The following UST variants were observed in gnomAD, a reference collection of about 807,000 sequenced individuals.
The protein encoded by UST is uronyl 2-sulfotransferase, also known as chondroitin sulfate 2-O-sulfotransferase.
Under a neutral mutation model 45.6 loss-of-function variants are expected in UST, and 21 were observed. The observed-to-expected ratio is 0.46, with a 90% confidence interval of 0.33 to 0.66. The LOEUF is 0.66. UST is among the 30% of genes least tolerant of loss of function. The probability of loss-of-function intolerance (pLI) is 0.02; values close to 1 mark genes in which losing one functional copy is unlikely to be tolerated. For synonymous variants in UST, 215 were observed against 200.6 expected, an observed-to-expected ratio of 1.07 and a Z score of -0.61; for missense variants, 463 against 512.4, an observed-to-expected ratio of 0.90 and a Z score of 0.93.
intron 2 of UST, among the ~76,000 whole-genome samples, chr6:148,897,862 T>C (rs1222924092): frequency 1.3e-5 from 2 of 152,336 alleles, no homozygotes; most frequent in East Asian, 3.9e-4. Context: ...TATAAGAACA[T>C]TGAGGTCTTG....
At chr6:148,820,965 T>C (rs1172915219) in intron 1 of UST, among the ~76,000 whole-genome samples, 1 of 138,774 alleles carries the variant, frequency 7.2e-6, no homozygotes, top group African/African-American at 2.6e-5. Context: ...TTTTTTTTAA[T>C]TCCTTTTTTT....
chr6:148,814,311 C>T (rs115288535), intron 1 of UST, among the ~76,000 whole-genome samples: 144 of 152,250 alleles, frequency 9.5e-4, no homozygotes, highest in African/African-American at 3.4e-3. Flanking sequence ...GTGGTCCTTT[C>T]TCTGCCCCCT....
intron 1 of UST, among the ~76,000 whole-genome samples, chr6:148,816,281 T>A (rs1777353587): frequency 6.6e-6 from 1 of 152,198 alleles, no homozygotes; most frequent in South Asian, 2.1e-4. Context: ...AGGAGGAGGA[T>A]GAATGACAGC....
chr6:148,985,813 C>T (rs1194564607), intron 5 of UST, among the ~76,000 whole-genome samples: 1 of 152,168 alleles, frequency 6.6e-6, no homozygotes, highest in Non-Finnish European at 1.5e-5. Flanking sequence ...TCTTAAAAAA[C>T]AAATACTATT....
rs1342051714 is a variant in UST at position 148,748,813 on chromosome 6, G to C, written c.247+1136G>C. Among the ~76,000 whole-genome samples the C allele has an allele frequency of 6.6e-6, 1 of 152,046 alleles. No homozygotes were observed. The highest frequency in any genetic ancestry group is 1.5e-5 in the Non-Finnish European group (1 of 68,010). On this transcript the variant is annotated intron_variant, in intron 1 of 7. Coordinates refer to ENST00000367463, the MANE Select transcript of UST (RefSeq NM_005715.3). This position sits in a 1 kb window ranked among gnomAD's most constrained non-coding sequence, Gnocchi z 5.3. ...CCACCGAAGTGCTGGAAAGAAAATGGGCCAAATGACCCGGGCCAGCTGGAG... is the reference window on the plus strand; with the variant it reads ...CCACCGAAGTGCTGGAAAGAAAATGCGCCAAATGACCCGGGCCAGCTGGAG...
At chr6:149,029,455 AC>A (rs1776104181) in intron 7 of UST, among the ~76,000 whole-genome samples, 1 of 136,210 alleles carries the variant, frequency 7.3e-6, no homozygotes, top group Admixed American at 7.5e-5. Flanking sequence ...TATTATATAT[AC>A]ATTATATATT....
At chr6:149,017,799 T>TACACACACACACACAC (rs10533222) in intron 5 of UST, among the ~76,000 whole-genome samples, 1 of 148,810 alleles carries the variant, frequency 6.7e-6, no homozygotes, top group South Asian at 2.2e-4. Context: ...TATCCATATA[T>TACACACACACACACAC]ACACACACAC....
chr6:148,928,836 G>A (rs1187652911), intron 2 of UST, among the ~76,000 whole-genome samples: 1 of 152,218 alleles, frequency 6.6e-6, no homozygotes, highest in Non-Finnish European at 1.5e-5. Flanking sequence ...GGATTCTTGT[G>A]TGGAGTTAAT....
intron 1 of UST, among the ~76,000 whole-genome samples, chr6:148,785,780 T>C (rs1776723323): frequency 6.6e-6 from 1 of 152,184 alleles, no homozygotes; most frequent in African/African-American, 2.4e-5. Flanking sequence ...AAAAAATGCT[T>C]AGGAAAAGAA....
chr6:148,826,574 C>G (rs183145067), intron 1 of UST, among the ~76,000 whole-genome samples: 2 of 152,294 alleles, frequency 1.3e-5, no homozygotes, highest in East Asian at 3.9e-4. Flanking sequence ...GATACCTAAA[C>G]TTCATGAGCC....
chr6:148,865,830 C>G (rs886423070), intron 1 of UST, among the ~76,000 whole-genome samples: 2 of 151,996 alleles, frequency 1.3e-5, no homozygotes, highest in Admixed American at 6.6e-5. Context: ...GATAAAAACA[C>G]TCCAGGTGAG....
At chr6:149,050,006 A>G (rs1418713162) in intron 7 of UST, among the ~76,000 whole-genome samples, 2 of 151,688 alleles carry the variant, frequency 1.3e-5, no homozygotes, top group South Asian at 2.1e-4. Flanking sequence ...AAATGTGTGT[A>G]GATTTCTAGC....
chr6:148,771,609 T>C (rs1776427784), intron 1 of UST, among the ~76,000 whole-genome samples: 1 of 152,210 alleles, frequency 6.6e-6, no homozygotes, highest in South Asian at 2.1e-4. Context: ...GATAGTCCTT[T>C]AGATAATGAG....
chr6:148,905,022 C>T lies in UST; in HGVS notation c.291+17993C>T, dbSNP rs139167812. ...CTACTCCTCCTAGTCCTCATCCTGG[C>T]AAAGCCAAGTACTCTCTCTCTGAGT... is the stretch of plus-strand genomic sequence containing the variant. On this transcript the variant is annotated intron_variant, in intron 2 of 7. Transcript: ENST00000367463. Among the ~76,000 whole-genome samples, 899 of 152,320 alleles carry T rather than the reference C, an allele frequency of 5.9e-3. 9 individuals are homozygous for T. The highest frequency in any genetic ancestry group is 0.02 in the African/African-American group (842 of 41,570).
At chr6:148,908,938 G>A (rs916039858) in intron 2 of UST, among the ~76,000 whole-genome samples, 1 of 152,072 alleles carries the variant, frequency 6.6e-6, no homozygotes, top group African/African-American at 2.4e-5. Context: ...TTAAACCTTA[G>A]CAAAAAACAT....
chr6:149,043,597 GGA>G (rs1177202759), intron 7 of UST, among the ~76,000 whole-genome samples: 2 of 152,362 alleles, frequency 1.3e-5, no homozygotes, highest in South Asian at 4.1e-4. Context: ...CACTCTGGTG[GGA>G]GCCTTGATGT....
At chr6:148,807,019 A>G (rs796467552) in intron 1 of UST, among the ~76,000 whole-genome samples, 46 of 152,314 alleles carry the variant, frequency 3.0e-4, no homozygotes, top group African/African-American at 1.1e-3. Context: ...GGGACATTAA[A>G]CCACAGCAGT....
chr6:148,827,509 A>G (rs113467646), intron 1 of UST, among the ~76,000 whole-genome samples: 3,779 of 151,952 alleles, frequency 0.025, 76 homozygotes, highest in African/African-American at 0.053. Flanking sequence ...ATCCCAACTC[A>G]GGAGGCTGAG....
chr6:148,763,833 C>T, intron 1 of UST, among the ~76,000 whole-genome samples: 1 of 152,120 alleles, frequency 6.6e-6, no homozygotes, highest in East Asian at 1.9e-4. Flanking sequence ...TCTGGGTTCT[C>T]TACTATCTTC....
Sources: gnomAD v4.1 joint callset for allele counts (sites outside exome capture counted in the v4.1 genomes callset) on GRCh38, gnomAD v4.1.1 for gene constraint, Gnocchi (gnomAD v3.1) non-coding constraint, MANE v1.5 for transcripts, NCBI Gene and HGNC (gene_info 2026-07-23, HGNC 2026-07-21) for gene names.